The following IFT140 variants were observed in gnomAD, a reference collection of about 807,000 sequenced individuals.
The protein encoded by IFT140 is intraflagellar transport 140.
IFT140 carries 133 observed loss-of-function variants against 164.6 expected under a neutral mutation model. That is an observed-to-expected ratio of 0.81 (90% CI 0.70 to 0.93). The LOEUF (loss-of-function observed/expected upper bound fraction) is 0.93, where lower values mean the gene tolerates loss of function less well. Among genes scored for constraint, IFT140 ranks in the 40% least tolerant of loss-of-function variants. IFT140 has a pLI of 0.00. For missense variants in IFT140, 2,045 were observed against 1,972.3 expected (o/e 1.04, Z -0.70); for synonymous variants, 860 against 817.3 (o/e 1.05, Z -0.89).
At chr16:1,602,048 C>T (rs1162666013) in intron 4 of IFT140, among the ~76,000 whole-genome samples, 1 of 152,174 alleles carries the variant, frequency 6.6e-6, no homozygotes, top group African/African-American at 2.4e-5. Context: ...GCCCCATGTC[C>T]CCTGGGGGGC....
In IFT140 at chr16:1,602,527, G is replaced by A. The variant is rs772757427; in HGVS notation, c.212C>T (p.Pro71Leu). The change falls in exon 4 of 31, where the codon CCG becomes CTG. Residue 71 changes from proline to leucine, a missense_variant. Coordinates refer to ENST00000426508, the MANE Select transcript of IFT140 (RefSeq NM_014714.4). ...PFRVASLCWH[P>L]TRLVLAVGWE... ...GCCCACAGCCAGCACCAGCCGCGTCGGGTGCCAGCACAGGGAAGCAACCCG... is the reference window on the plus strand; with the variant it reads ...GCCCACAGCCAGCACCAGCCGCGTCAGGTGCCAGCACAGGGAAGCAACCCG... The A allele has an allele frequency of 2.7e-5, 43 of 1,613,908 alleles. No individual in the cohort carries two copies. Among genetic ancestry groups the A allele is most frequent in the African/African-American group, 4.0e-5 (3 of 74,886 alleles).
chr16:1,610,804 A>T lies in IFT140; in HGVS notation c.-172T>A, dbSNP rs562235570. 3.9e-5 allele frequency: 6 copies of T among 153,780 alleles called. No individual in the cohort carries two copies. The highest frequency in any genetic ancestry group is 7.3e-5 in the Non-Finnish European group (5 of 68,210). 9.5% of individuals were successfully genotyped at this position (153,780 alleles called of 1,614,324 possible). On this transcript the variant is annotated 5_prime_UTR_variant, in exon 2 of 31. Transcript: ENST00000426508. ...CGGAAAGAGCCGAAGGCGATCGGGC[A>T]CGCACGTGCAGCTCCGAGGCCCGAG...
intron 19 of IFT140, among the ~76,000 whole-genome samples, chr16:1,550,461 A>C (rs1442463484): frequency 1.3e-5 from 2 of 152,268 alleles, no homozygotes; most frequent in African/African-American, 4.8e-5. Context: ...AAAGCACTTA[A>C]GAAAATAAAT....
chr16:1,552,125 T>C (rs1365149688), intron 19 of IFT140, among the ~76,000 whole-genome samples: 1 of 152,058 alleles, frequency 6.6e-6, no homozygotes, highest in African/African-American at 2.4e-5. Flanking sequence ...AGAGGCCCCC[T>C]GAGATTTTAA....
chr16:1,553,565 C>A lies in IFT140; in HGVS notation c.2399+4370G>T. On this transcript the variant is annotated intron_variant, in intron 19 of 30. Transcript: ENST00000426508. The surrounding 1 kb of genome is among the most constrained non-coding windows in gnomAD (Gnocchi z 4.4). ...GACAAGAGGGGCTGGAGAGTTTAAT[C>A]TGGACCAGTGTAAGTTACAGAGAGT... The A allele has an allele frequency of 9.9e-7, 1 of 1,008,956 alleles. No homozygotes were observed. The highest frequency in any genetic ancestry group is 1.2e-6 in the Non-Finnish European group (1 of 843,024). 62.5% of individuals were successfully genotyped at this position (1,008,956 alleles called of 1,614,324 possible). A position where few individuals can be genotyped will look rare whatever the true frequency, so the allele number is the denominator to read the frequency against.
chr16:1,528,060 C>T (rs897255449), intron 19 of IFT140, among the ~76,000 whole-genome samples: 5 of 152,166 alleles, frequency 3.3e-5, no homozygotes, highest in Non-Finnish European at 7.4e-5. Context: ...TCAGCCAGGC[C>T]TCCTGGTGGG....
At position 1,553,790 on chromosome 16, in the gene IFT140, T is replaced by G; in HGVS notation, c.2399+4145A>C. On this transcript the variant is annotated intron_variant, in intron 19 of 30. Coordinates refer to ENST00000426508, the MANE Select transcript of IFT140 (RefSeq NM_014714.4). The surrounding 1 kb of genome is among the most constrained non-coding windows in gnomAD (Gnocchi z 4.4). ...CATGTGGACAGCCTCTCCTCCATCCTAGAGCCTATGTTTCCAGCTGGATTA... is the reference window on the plus strand; with the variant it reads ...CATGTGGACAGCCTCTCCTCCATCCGAGAGCCTATGTTTCCAGCTGGATTA... 7.5e-6 allele frequency: 9 copies of G among 1,196,782 alleles called. No homozygotes were observed. Among genetic ancestry groups the G allele is most frequent in the Non-Finnish European group, 9.5e-6 (9 of 946,358 alleles). The allele number at this position is 1,196,782 out of a possible 1,614,324, so 74.1% of individuals were successfully genotyped here.
At chr16:1,603,708 C>T (rs572340939) in intron 3 of IFT140, among the ~76,000 whole-genome samples, 1 of 152,196 alleles carries the variant, frequency 6.6e-6, no homozygotes, top group East Asian at 1.9e-4. Flanking sequence ...GTCTCAAACT[C>T]CTGACTTCAT....
In IFT140 at chr16:1,589,341, C is replaced by G. The variant is rs149676359; in HGVS notation, c.810+264G>C. 2.5e-3 allele frequency among the ~76,000 whole-genome samples: 375 copies of G among 152,298 alleles called. 1 individual carries two copies. Among genetic ancestry groups the G allele is most frequent in the African/African-American group, 8.5e-3 (354 of 41,552 alleles). On this transcript the variant is annotated intron_variant, in intron 7 of 30. Coordinates refer to ENST00000426508, the MANE Select transcript of IFT140 (RefSeq NM_014714.4). The stretch of plus-strand genomic sequence containing the variant: ...GCACCCCAGGTCATGAGGGGTGCAG[C>G]TTGGGGGTGGGCCCAGGCTGTCTCC...
chr16:1,607,228 A>C lies in IFT140; in HGVS notation c.39T>G (p.Asp13Glu), dbSNP rs765006115. 1.9e-6 allele frequency: 3 copies of C among 1,614,198 alleles called. No homozygotes were observed. The South Asian group carries it at 3.3e-5, about 18-fold the overall frequency. Residue 13 changes from aspartate to glutamate, a missense_variant, in exon 3 of 31, where the codon GAT becomes GAG. By Grantham distance (45) the Asp-to-Glu change is conservative. Coordinates refer to ENST00000426508, the MANE Select transcript of IFT140 (RefSeq NM_014714.4). ...LYYDHQIEAP[D>E]AAGSPSFISW... ...TGATAAATGAGGGTGACCCTGCTGC[A>C]TCCGGGGCTTCTATCTGGTGGTCAT...
intron 3 of IFT140, 83 bp downstream of exon 3, chr16:1,607,023 CACACACACACATGT>C: frequency 8.6e-7 from 1 of 1,168,980 alleles, no homozygotes; most frequent in Non-Finnish European, 1.2e-6. Flanking sequence ...CACCCATAGG[CACACACACACATGT>C]GCACACACAC....
intron 18 of IFT140, among the ~76,000 whole-genome samples, 175 bp downstream of exon 18, chr16:1,561,810 T>G (rs2033423165): frequency 6.6e-6 from 1 of 152,122 alleles, no homozygotes; most frequent in African/African-American, 2.4e-5. Flanking sequence ...CCGCAGTGTT[T>G]GCTGGAATTT....
intron 19 of IFT140, among the ~76,000 whole-genome samples, chr16:1,545,827 T>G (rs1016942876): frequency 6.6e-6 from 1 of 152,236 alleles, no homozygotes; most frequent in African/African-American, 2.4e-5. Context: ...CATGAATGTT[T>G]CTGGGCTCAG....
chr16:1,571,435 G>A lies in IFT140; in HGVS notation c.1624C>T (p.His542Tyr). 1 of 1,614,014 alleles carries A rather than the reference G, an allele frequency of 6.2e-7. No individual in the cohort carries two copies. The highest frequency in any genetic ancestry group is 1.7e-5 in the Admixed American group (1 of 59,974). ...NFLVVGTDLAHFKSFDLSRRE... is the reference protein window; with the variant it reads ...NFLVVGTDLAYFKSFDLSRRE... The stretch of plus-strand genomic sequence containing the variant: ...CGGGAAAGATCAAAGCTTTTAAAGT[G>A]AGCCAAGTCTGTCCCTACAACCAGG... The change falls in exon 14 of 31, where the codon CAC (histidine) becomes TAC (tyrosine). Residue 542 changes from histidine (H) to tyrosine (Y), a missense_variant. By Grantham distance (83) the His-to-Tyr change is moderately conservative. Transcript: ENST00000426508.
intron 30 of IFT140, chr16:1,512,866 G>C (rs752429229): frequency 6.6e-6 from 1 of 152,284 alleles, no homozygotes; most frequent in Non-Finnish European, 1.5e-5. Flanking sequence ...CAGCAAAAGG[G>C]GTCAGTGAAT....
rs190034269 is a variant in IFT140 at position 1,583,341 on chromosome 16, G to C, written c.1405C>G (p.Leu469Val). 4 of 1,614,144 alleles carry C rather than the reference G, an allele frequency of 2.5e-6. No individual in the cohort carries two copies. In the Admixed American group the frequency reaches 5.0e-5, roughly 20 times the overall value. ...GCACTCCGTATCGCGGCTCCAGAAA[G>C]CTCGAAGATCGCCACCTGCCTTCCG... ...WNGRQVAIFELSGAAIRSAGT... is the reference protein window; with the variant it reads ...WNGRQVAIFEVSGAAIRSAGT... Residue 469 changes from leucine to valine, a missense_variant, in exon 12 of 31, where the codon CTT becomes GTT. Coordinates refer to ENST00000426508, the MANE Select transcript of IFT140 (RefSeq NM_014714.4).
At chr16:1,598,838 C>T (rs1056697031) in intron 4 of IFT140, among the ~76,000 whole-genome samples, 4 of 152,054 alleles carry the variant, frequency 2.6e-5, no homozygotes, top group African/African-American at 4.8e-5. Flanking sequence ...GCCGCCACCC[C>T]GTCTGGGAAG....
intron 19 of IFT140, among the ~76,000 whole-genome samples, chr16:1,538,929 C>T (rs11860657): frequency 3.5e-4 from 53 of 152,320 alleles, no homozygotes; most frequent in Middle Eastern, 3.4e-3. Context: ...CCCATCTGCA[C>T]AGGCCCTAGG....
At position 1,518,277 on chromosome 16, in the gene IFT140, C is replaced by A; in HGVS notation, c.4121G>T (p.Arg1374Leu). ...LEEPDLDSTI[R>L]IGDVYGFLVE... ...CAGGAAGCCATAGACGTCCCCGATGCGGATGGTGCTGTCCAGGTCTGGTTC... is the reference window on the plus strand; with the variant it reads ...CAGGAAGCCATAGACGTCCCCGATGAGGATGGTGCTGTCCAGGTCTGGTTC... Residue 1374 changes from arginine to leucine, a missense_variant, in exon 30 of 31, where the codon CGC (arginine) becomes CTC (leucine). Coordinates refer to ENST00000426508, the MANE Select transcript of IFT140 (RefSeq NM_014714.4). 1.2e-6 allele frequency: 2 copies of A among 1,614,136 alleles called. No homozygotes were observed. The highest frequency in any genetic ancestry group is 1.7e-6 in the Non-Finnish European group (2 of 1,179,998).
Sources: allele counts gnomAD v4.1 joint callset (sites outside exome capture counted in the v4.1 genomes callset), GRCh38; gene constraint gnomAD v4.1.1; non-coding constraint Gnocchi (gnomAD v3.1); transcripts MANE v1.5; gene names NCBI Gene and HGNC (gene_info 2026-07-23, HGNC 2026-07-21).